Variants in MMP26 observed in about 807,000 individuals in gnomAD.
MMP26 encodes matrix metalloproteinase-26.
A neutral mutation model predicts 31.0 loss-of-function variants in MMP26; 33 were observed. That is an observed-to-expected ratio of 1.06 (90% CI 0.81 to 1.42). The LOEUF is 1.42. MMP26 is among the 40% of genes most tolerant of loss of function. MMP26 has a pLI of 0.00. For synonymous variants in MMP26, 122 were observed against 114.9 expected (o/e 1.06, Z -0.40); for missense variants, 347 against 316.1 (o/e 1.10, Z -0.74).
At chr11:4,920,891 T>C (rs928595033) in intron 2 of MMP26, among the ~76,000 whole-genome samples, 1 of 152,238 alleles carries the variant, frequency 6.6e-6, no homozygotes. Flanking sequence ...GTGCTTCTAG[T>C]AGTAAATAAA....
intron 2 of MMP26, among the ~76,000 whole-genome samples, chr11:4,874,584 G>GTGTGTGTA (rs1365656476): frequency 6.6e-6 from 1 of 151,750 alleles, no homozygotes; most frequent in African/African-American, 2.4e-5. Context: ...GTGTGTGTGT[G>GTGTGTGTA]TGTGCATTCT....
chr11:4,937,356 A>G (rs922894396), intron 2 of MMP26: 4 of 152,202 alleles, frequency 2.6e-5, no homozygotes. Flanking sequence ...CCTTTGATCA[A>G]CTTACTTTTG....
At chr11:4,828,337 C>T (rs1268222355) in intron 2 of MMP26, among the ~76,000 whole-genome samples, 2 of 152,098 alleles carry the variant, frequency 1.3e-5, no homozygotes, top group Non-Finnish European at 2.9e-5. Flanking sequence ...TACTCACTGA[C>T]GATCCATAGT....
chr11:4,769,207 G>A (rs1848674229), intron 2 of MMP26: 1 of 1,613,618 alleles, frequency 6.2e-7, no homozygotes, highest in East Asian at 2.2e-5. Context: ...TGAAGACCTT[G>A]TGCCATTCTT....
intron 2 of MMP26, chr11:4,912,950 A>T (rs1468175844): frequency 2.1e-5 from 3 of 141,304 alleles, no homozygotes; most frequent in Non-Finnish European, 3.0e-5. Context: ...ATTGGAAAAG[A>T]AAAAAAAAAC....
chr11:4,726,636 A>T (rs1187912568), intron 1 of MMP26, among the ~76,000 whole-genome samples: 2 of 152,152 alleles, frequency 1.3e-5, no homozygotes, highest in African/African-American at 4.8e-5. Flanking sequence ...GATAGCAGAG[A>T]GGAGTATTAT....
chr11:4,882,035 A>G, intron 2 of MMP26: 2 of 1,613,876 alleles, frequency 1.2e-6, no homozygotes, highest in Non-Finnish European at 1.7e-6. Flanking sequence ...GGGAAACAGT[A>G]TGATCTTTCT....
intron 2 of MMP26, among the ~76,000 whole-genome samples, chr11:4,786,125 G>T (rs1000346326): frequency 5.3e-5 from 8 of 152,098 alleles, no homozygotes; most frequent in African/African-American, 1.7e-4. Context: ...CTCTCAGCCT[G>T]GGTGTGTGTG....
At chr11:4,706,577 C>CAAAAAAAAAAAAAAAA (rs71050423) in intron 1 of MMP26, among the ~76,000 whole-genome samples, 3 of 87,562 alleles carry the variant, frequency 3.4e-5, no homozygotes, top group Non-Finnish European at 6.3e-5. Flanking sequence ...GACCCTATCT[C>CAAAAAAAAAAAAAAAA]AAAAAAAAAA....
At chr11:4,863,034 G>C (rs1850185533) in intron 2 of MMP26, among the ~76,000 whole-genome samples, 1 of 152,120 alleles carries the variant, frequency 6.6e-6, no homozygotes, top group Admixed American at 6.6e-5. Context: ...CTTTCAGGTG[G>C]AAATGACCAG....
At chr11:4,946,838 A>C (rs375865632) in intron 2 of MMP26, 1 of 1,588,668 alleles carries the variant, frequency 6.3e-7, no homozygotes, top group African/African-American at 1.4e-5. Flanking sequence ...AGCATTGAAC[A>C]GGAAGATGCT....
intron 2 of MMP26, among the ~76,000 whole-genome samples, chr11:4,824,501 T>C (rs1245513402): frequency 6.6e-6 from 1 of 152,148 alleles, no homozygotes; most frequent in Non-Finnish European, 1.5e-5. Context: ...CATTGTTATG[T>C]GTAGCCTACA....
chr11:4,759,766 A>T (rs927871182), intron 1 of MMP26, among the ~76,000 whole-genome samples: 5 of 152,160 alleles, frequency 3.3e-5, no homozygotes, highest in African/African-American at 1.2e-4. Context: ...TTCTTCATCT[A>T]ATCCAAGGAC....
chr11:4,732,893 A>G (rs953910319), intron 1 of MMP26, among the ~76,000 whole-genome samples: 1 of 152,204 alleles, frequency 6.6e-6, no homozygotes, highest in Admixed American at 6.5e-5. Flanking sequence ...CGGCAGCGCC[A>G]TTTGTTGAAA....
chr11:4,938,596 C>T (rs1846161711), intron 2 of MMP26, among the ~76,000 whole-genome samples: 1 of 152,038 alleles, frequency 6.6e-6, no homozygotes. Flanking sequence ...CAATTCAAGA[C>T]AATCCTTTGA....
At chr11:4,841,361 C>T (rs1002745942) in intron 2 of MMP26, among the ~76,000 whole-genome samples, 5 of 152,060 alleles carry the variant, frequency 3.3e-5, no homozygotes, top group African/African-American at 7.2e-5. Flanking sequence ...AATAACACCT[C>T]AAAGCATTTA....
chr11:4,937,302 A>T (rs1481632865), intron 2 of MMP26: 2 of 152,152 alleles, frequency 1.3e-5, no homozygotes, highest in Non-Finnish European at 2.9e-5. Flanking sequence ...GAAACATTCA[A>T]CGTCTATTTA....
intron 2 of MMP26, chr11:4,804,204 A>G: frequency 6.2e-7 from 1 of 1,613,720 alleles, no homozygotes; most frequent in Non-Finnish European, 8.5e-7. Flanking sequence ...ACATGGGCTC[A>G]TGCAGGGTGT....
In MMP26 at chr11:4,882,018, C is replaced by T. The variant is rs766462161; in HGVS notation, c.-144-106050C>T. 13 of 1,613,718 alleles carry T rather than the reference C, an allele frequency of 8.1e-6. No homozygotes were observed. The African/African-American group carries it at 1.2e-4, about 15-fold the overall frequency. On this transcript the variant is annotated intron_variant, in intron 2 of 7. Transcript: ENST00000380390. ...CCAGTCTGCTGTCTCTACACCATTG[C>T]CCTCTTGGGAAACAGTATGATCTTT...
Sources: gnomAD v4.1 joint callset for allele counts (sites outside exome capture counted in the v4.1 genomes callset) on GRCh38, gnomAD v4.1.1 for gene constraint, MANE v1.5 for transcripts, NCBI Gene and HGNC (gene_info 2026-07-23, HGNC 2026-07-21) for gene names.